The following ADAM22 variants were observed in gnomAD, a reference collection of about 807,000 sequenced individuals.
ADAM22 encodes the protein disintegrin and metalloproteinase domain-containing protein 22.
A neutral mutation model predicts 144.6 loss-of-function variants in ADAM22; 65 were observed. The ratio of observed to expected loss-of-function variants is 0.45; its 90% CI spans 0.37 to 0.55. ADAM22 has a LOEUF of 0.55. Ranked by LOEUF, ADAM22 falls within the 20% of genes least tolerant of loss-of-function variation. The pLI is 0.00. For missense variants in ADAM22, 974 were observed against 1,184.9 expected, an observed-to-expected ratio of 0.82 and a Z score of 2.61; for synonymous variants, 391 against 412.6, an observed-to-expected ratio of 0.95 and a Z score of 0.63.
intron 3 of ADAM22, among the ~76,000 whole-genome samples, chr7:87,991,588 G>A (rs189292623): frequency 4.3e-4 from 65 of 150,762 alleles, no homozygotes; most frequent in African/African-American, 1.4e-3. Context: ...GGATGGTCTC[G>A]ATCTCCTGAC....
rs2115650231 is a variant in ADAM22 at position 88,202,070 on chromosome 7, A to G, written c.*5579A>G. ...GATATGAATACTTAGTAATAATACA[A>G]AAGTTCCTGCTAAATTATATATGTG... is the stretch of plus-strand genomic sequence containing the variant. On this transcript the variant is annotated 3_prime_UTR_variant, in exon 32 of 32. Coordinates refer to ENST00000413139, the MANE Select transcript of ADAM22 (RefSeq NM_001324418.2). The G allele has an allele frequency of 6.6e-6, 1 of 152,324 alleles. No homozygotes were observed. The highest frequency in any genetic ancestry group is 6.5e-5 in the Admixed American group (1 of 15,310). 9.4% of individuals were successfully genotyped at this position (152,324 alleles called of 1,614,324 possible).
chr7:88,190,502 C>T (rs1849382169), intron 30 of ADAM22, among the ~76,000 whole-genome samples: 1 of 151,986 alleles, frequency 6.6e-6, no homozygotes, highest in Non-Finnish European at 1.5e-5. Flanking sequence ...ACCAAATGCA[C>T]TTCAGACTGG....
At chr7:87,943,255 T>C (rs1267991484) in intron 2 of ADAM22, among the ~76,000 whole-genome samples, 1 of 151,552 alleles carries the variant, frequency 6.6e-6, no homozygotes, top group African/African-American at 2.4e-5. Context: ...AGGTAGATAC[T>C]GTTATACCCA....
intron 3 of ADAM22, among the ~76,000 whole-genome samples, chr7:87,990,001 G>T (rs1303046931): frequency 6.6e-6 from 1 of 152,070 alleles, no homozygotes; most frequent in Non-Finnish European, 1.5e-5. Context: ...AAGCTTCAAA[G>T]TATCAGAAGA....
At position 88,086,474 on chromosome 7, in the gene ADAM22, T is replaced by C. The variant is rs115547715; in HGVS notation, c.390+10782T>C. 2.9e-3 allele frequency among the ~76,000 whole-genome samples: 435 copies of C among 152,298 alleles called. 2 individuals are homozygous for C. Among genetic ancestry groups the C allele is most frequent in the African/African-American group, 0.01 (420 of 41,568 alleles). ...AAGTTATATTAAAACTTAAAAAGAA[T>C]TTTTTTCAAAGGTTACAAAAATAAA... On this transcript the variant is annotated intron_variant, in intron 4 of 31. Coordinates refer to ENST00000413139, the MANE Select transcript of ADAM22 (RefSeq NM_001324418.2).
At chr7:88,154,926 T>A (rs1839509652) in intron 21 of ADAM22, among the ~76,000 whole-genome samples, 1 of 152,170 alleles carries the variant, frequency 6.6e-6, no homozygotes, top group South Asian at 2.1e-4. Flanking sequence ...CTAATTACTC[T>A]TCACAAGATA....
intron 3 of ADAM22, among the ~76,000 whole-genome samples, chr7:88,052,219 C>T (rs1241799715): frequency 2.0e-5 from 3 of 151,708 alleles, no homozygotes; most frequent in African/African-American, 7.3e-5. Context: ...AATTCCCGGC[C>T]GGACGCGGTG....
intron 3 of ADAM22, among the ~76,000 whole-genome samples, chr7:88,008,683 A>C (rs1053445126): frequency 2.6e-5 from 4 of 151,958 alleles, no homozygotes; most frequent in African/African-American, 9.7e-5. Context: ...TCTCACTCAT[A>C]GATGGGAATT....
At chr7:88,182,057 C>G (rs1281474937) in intron 29 of ADAM22, 33 bp downstream of exon 29, 11 of 1,580,040 alleles carry the variant, frequency 7.0e-6, no homozygotes, top group Non-Finnish European at 8.7e-6. Context: ...AAAAGGCACT[C>G]CAAGGTCCTG....
rs1586704485 is a variant in ADAM22, at chr7:88,202,145, A to G, written c.*5654A>G. ...ACTTTTCTTTTCTAATCCAGCACAA[A>G]ATCAAACTCTGATTCTACAACCAGT... On this transcript the variant is annotated 3_prime_UTR_variant, in exon 32 of 32. Transcript: ENST00000413139. 2 of 152,122 alleles carry G rather than the reference A, an allele frequency of 1.3e-5. No individual in the cohort carries two copies. The highest frequency in any genetic ancestry group is 4.8e-5 in the African/African-American group (2 of 41,438). The allele number at this position is 152,122 out of a possible 1,614,324, so 9.4% of individuals were successfully genotyped here.
chr7:88,132,730 C>A (rs761983499), intron 11 of ADAM22, 137 bp from the exon 12 acceptor site: 70 of 644,386 alleles, frequency 1.1e-4, no homozygotes, highest in Non-Finnish European at 1.5e-4. Context: ...ACAATTTTCA[C>A]ATTCTTCCCT....
rs201125430 is a variant in ADAM22, at chr7:88,134,434, A to C, written c.1168+15A>C. On this transcript the variant is annotated intron_variant, in intron 13 of 31. Coordinates refer to ENST00000413139, the MANE Select transcript of ADAM22 (RefSeq NM_001324418.2). ...GTTAGCAAGTGGTAAGTTTTAGTAC[A>C]TGTGTGGTTAGTTGTATTTAAAATA... is the stretch of plus-strand genomic sequence containing the variant. 2.2e-4 allele frequency: 337 copies of C among 1,561,274 alleles called. 1 individual carries two copies. In the African/African-American group the frequency reaches 4.2e-3, roughly 19 times the overall value.
At chr7:88,069,931 T>C (rs1812299646) in intron 3 of ADAM22, among the ~76,000 whole-genome samples, 1 of 152,218 alleles carries the variant, frequency 6.6e-6, no homozygotes. Context: ...TGATTAAGGC[T>C]CTGCTTTGCT....
At chr7:88,127,554 C>G (rs1403115479) in intron 8 of ADAM22, among the ~76,000 whole-genome samples, 6 of 151,542 alleles carry the variant, frequency 4.0e-5, no homozygotes, top group Admixed American at 2.6e-4. Flanking sequence ...AGAATTGTAT[C>G]TATTATTCCC....
intron 3 of ADAM22, among the ~76,000 whole-genome samples, chr7:88,032,325 TG>T (rs755593510): frequency 1.7e-4 from 26 of 152,352 alleles, no homozygotes; most frequent in Admixed American, 6.5e-4. Context: ...GGCCTGGATA[TG>T]AAACATGGAG....
intron 3 of ADAM22, among the ~76,000 whole-genome samples, chr7:88,001,481 A>G (rs1240952305): frequency 1.3e-5 from 2 of 152,214 alleles, no homozygotes; most frequent in East Asian, 3.9e-4. Context: ...TGGCCAAGAC[A>G]GTATGAAAAG....
intron 4 of ADAM22, among the ~76,000 whole-genome samples, chr7:88,104,964 A>G (rs1823966866): frequency 6.6e-6 from 1 of 152,116 alleles, no homozygotes; most frequent in Non-Finnish European, 1.5e-5. Context: ...TTTTCAAATC[A>G]GAGATTAGTG....
intron 21 of ADAM22, among the ~76,000 whole-genome samples, chr7:88,154,108 A>T (rs932587934): frequency 6.6e-6 from 1 of 152,172 alleles, no homozygotes; most frequent in Admixed American, 6.5e-5. Context: ...CTCCCATTTT[A>T]TGGAGGAGGA....
chr7:88,048,005 T>A (rs577631135), intron 3 of ADAM22, among the ~76,000 whole-genome samples: 1 of 152,272 alleles, frequency 6.6e-6, no homozygotes, highest in South Asian at 2.1e-4. Context: ...TTTCTTGAAC[T>A]TCTCTGCCAC....
Sources: allele counts gnomAD v4.1 joint callset (sites outside exome capture counted in the v4.1 genomes callset), GRCh38; gene constraint gnomAD v4.1.1; transcripts MANE v1.5; gene names NCBI Gene and HGNC (gene_info 2026-07-23, HGNC 2026-07-21).